ARFRP1: variants seen among roughly 807,000 people sequenced by gnomAD.
ARFRP1 encodes ARF related protein 1.
In ARFRP1, 19 loss-of-function variants were observed where a neutral mutation model predicts 30.3. The ratio of observed to expected loss-of-function variants is 0.63; its 90% CI spans 0.44 to 0.92. ARFRP1 has a LOEUF of 0.92. Ranked by LOEUF, ARFRP1 falls within the 40% of genes least tolerant of loss-of-function variation. ARFRP1 has a pLI of 0.00. For missense variants in ARFRP1, 245 were observed against 267.5 expected (o/e 0.92, Z 0.59); for synonymous variants, 133 against 114.2 (o/e 1.16, Z -1.05).
rs1253980139 is a variant in ARFRP1, at chr20:63,702,284, G to A, written c.265-67C>T. The A allele has an allele frequency of 3.4e-6, 5 of 1,460,980 alleles. No homozygotes were observed. In the East Asian group the frequency reaches 6.9e-5, roughly 20 times the overall value. 90.5% of individuals were successfully genotyped at this position (1,460,980 alleles called of 1,614,324 possible). A position where few individuals can be genotyped will look rare whatever the true frequency, so the allele number is the denominator to read the frequency against. ...GCCAAGGGCCAGCAGAGCCAGGCCTGTGTCATGGCCACAGTGAGGGGCTCA... is the reference window on the plus strand; with the variant it reads ...GCCAAGGGCCAGCAGAGCCAGGCCTATGTCATGGCCACAGTGAGGGGCTCA... On this transcript the variant is annotated intron_variant, in intron 4 of 7. Coordinates refer to ENST00000622789, the MANE Select transcript of ARFRP1 (RefSeq NM_001267547.3).
intron 6 of ARFRP1, chr20:63,701,065 A>C (rs1162173585): frequency 5.0e-6 from 2 of 399,072 alleles, no homozygotes; most frequent in East Asian, 1.3e-4. Flanking sequence ...GAGAGGTGGG[A>C]GCCCTGCATC....
intron 6 of ARFRP1, chr20:63,701,196 TC>T: frequency 1.9e-6 from 1 of 526,322 alleles, no homozygotes; most frequent in Non-Finnish European, 3.9e-6. Flanking sequence ...GTACCAGATG[TC>T]CCTCTTGTCG....
chr20:63,705,490 C>T, intron 4 of ARFRP1: 2 of 427,270 alleles, frequency 4.7e-6, no homozygotes, highest in South Asian at 1.8e-5. Context: ...AAACTGCAGC[C>T]TTGGGGGTGT....
At chr20:63,702,009 C>CCCG (rs2091236352) in intron 5 of ARFRP1, 109 bp from the exon 6 acceptor site, 2 of 919,742 alleles carry the variant, frequency 2.2e-6, no homozygotes, top group East Asian at 6.2e-5. Context: ...CCCCCCCCCC[C>CCCG]CCCGTCACCC....
intron 6 of ARFRP1, among the ~76,000 whole-genome samples, chr20:63,700,965 C>A (rs939349562): frequency 6.6e-6 from 1 of 152,172 alleles, no homozygotes; most frequent in Admixed American, 6.5e-5. Flanking sequence ...CTGGGGGACA[C>A]CCTGAGCCCC....
intron 4 of ARFRP1, chr20:63,705,287 A>C (rs951596037): frequency 6.2e-6 from 1 of 161,248 alleles, no homozygotes; most frequent in Non-Finnish European, 1.4e-5. Flanking sequence ...GGGGGCGCCT[A>C]GGAAAGGGGA....
chr20:63,705,817 C>T (rs758892085), intron 4 of ARFRP1: 1 of 518,390 alleles, frequency 1.9e-6, no homozygotes, highest in Non-Finnish European at 4.0e-6. Context: ...ACTGCCCTGA[C>T]CTCTCTGACT....
chr20:63,700,665 C>T lies in ARFRP1; in HGVS notation c.455G>A (p.Ser152Asn), dbSNP rs760520926. 6.2e-7 allele frequency: 1 copy of T among 1,610,900 alleles called. No homozygotes were observed. Among genetic ancestry groups the T allele is most frequent in the Non-Finnish European group, 8.5e-7 (1 of 1,179,874 alleles). The change falls in exon 7 of 8, where the codon AGC becomes AAC. Residue 152 changes from serine (S) to asparagine (N), a missense_variant. Physicochemically the swap from Ser to Asn is conservative, Grantham distance 46. Coordinates refer to ENST00000622789, the MANE Select transcript of ARFRP1 (RefSeq NM_001267547.3). Reference protein sequence around the residue: ...LSIPDIKTAFSDCTSKIGRRD... With the variant: ...LSIPDIKTAFNDCTSKIGRRD... The stretch of plus-strand genomic sequence containing the variant: ...CCTGCCGATCTTGCTGGTGCAGTCG[C>T]TGAAGGCCGTCTTGATGTCAGGGAT...
At position 63,698,984 on chromosome 20, in the gene ARFRP1, T is replaced by C. The variant is rs369819484; in HGVS notation, c.*1459A>G. ...GGGGCCCACACTAACCCCCCACTTA[T>C]GAATTCCTCCCACTCCCAACTCACA... On this transcript the variant is annotated 3_prime_UTR_variant, in exon 8 of 8. Transcript: ENST00000622789. The C allele has an allele frequency of 3.5e-4, 55 of 158,312 alleles. No individual in the cohort carries two copies. Among genetic ancestry groups the C allele is most frequent in the Non-Finnish European group, 6.1e-4 (44 of 72,398 alleles). 9.8% of individuals were successfully genotyped at this position (158,312 alleles called of 1,614,324 possible).
At chr20:63,702,689 ACAC>A in intron 4 of ARFRP1, 1 of 164,552 alleles carries the variant, frequency 6.1e-6, no homozygotes, top group South Asian at 1.6e-4. Context: ...AGCTCTGATC[ACAC>A]CACTGCACTC....
chr20:63,707,085 T>A lies in ARFRP1; in HGVS notation c.7A>T (p.Thr3Ser). MY[T>S]LLSGLYKYMF... ...TACTTGTACAAGCCCGACAGCAGCG[T>A]GTACATCCTGCCCTGGGCACCCCAA... Residue 3 changes from threonine (T) to serine (S), a missense_variant, in exon 2 of 8, where the codon ACG (threonine) becomes TCG (serine). Thr to Ser is a moderately conservative substitution (Grantham distance 58, BLOSUM62 1). Transcript: ENST00000622789. 6.2e-7 allele frequency: 1 copy of A among 1,611,002 alleles called. No individual in the cohort carries two copies. Among genetic ancestry groups the A allele is most frequent in the South Asian group, 1.1e-5 (1 of 90,522 alleles).
chr20:63,705,360 C>A, intron 4 of ARFRP1: 1 of 197,100 alleles, frequency 5.1e-6, no homozygotes, highest in South Asian at 8.2e-5. Context: ...TCAGGGCAGC[C>A]AAGGCACTGG....
Position 63,698,812 on chromosome 20 carries a change from T to C in ARFRP1, c.*1631A>G, listed in dbSNP as rs1006214570. ...GGCTTCCCCTACCTCAGACAGACCC[T>C]CCCTGGGAGGATCAGTGGGGAGTGC... On this transcript the variant is annotated 3_prime_UTR_variant, in exon 8 of 8. Transcript: ENST00000622789. The C allele has an allele frequency of 3.3e-5, 13 of 393,196 alleles. No individual in the cohort carries two copies. In the South Asian group the frequency reaches 7.3e-4, roughly 22 times the overall value. The allele number at this position is 393,196 out of a possible 1,614,324, so 24.4% of individuals were successfully genotyped here. A position where few individuals can be genotyped will look rare whatever the true frequency, so the allele number is the denominator to read the frequency against.
At chr20:63,706,781 T>A (rs773550780) in intron 2 of ARFRP1, 43 bp from the exon 3 acceptor site, 2 of 1,490,140 alleles carry the variant, frequency 1.3e-6, no homozygotes, top group Non-Finnish European at 1.9e-6. Flanking sequence ...GGAGGGGCTA[T>A]ACTGGCTTCC....
rs757194053 is a variant in ARFRP1 at position 63,700,433 on chromosome 20, G to A, written c.*10C>T. ...GGGGACCAGCCGTCCCGACGGCAGC[G>A]CGGCTGCGCCTACGTGATGTCCCTC... On this transcript the variant is annotated 3_prime_UTR_variant, in exon 8 of 8. Coordinates refer to ENST00000622789, the MANE Select transcript of ARFRP1 (RefSeq NM_001267547.3). 8.1e-6 allele frequency: 13 copies of A among 1,607,078 alleles called. No homozygotes were observed. The highest frequency in any genetic ancestry group is 2.2e-5 in the East Asian group (1 of 44,878).
Position 63,706,986 on chromosome 20 carries a change from C to T in ARFRP1, c.93+13G>A, listed in dbSNP as rs1248661320. The T allele has an allele frequency of 1.2e-6, 2 of 1,613,188 alleles. No homozygotes were observed. The highest frequency in any genetic ancestry group is 1.3e-5 in the African/African-American group (1 of 75,052). Reference sequence around the variant, plus strand: ...GCCGTGGGAAAGGTGCGCGCAAGGGCGTGGGCACTCACCGTCTTCCCAGCA... The same window carrying T: ...GCCGTGGGAAAGGTGCGCGCAAGGGTGTGGGCACTCACCGTCTTCCCAGCA... On this transcript the variant is annotated intron_variant, in intron 2 of 7. Transcript: ENST00000622789.
chr20:63,706,691 C>T lies in ARFRP1; in HGVS notation c.141G>A (p.Gly47=), dbSNP rs747917536. 1.2e-5 allele frequency: 20 copies of T among 1,614,050 alleles called. No individual in the cohort carries two copies. The highest frequency in any genetic ancestry group is 1.7e-5 in the Non-Finnish European group (20 of 1,179,938). The change falls in exon 3 of 8, where the codon GGG becomes GGA. Residue 47 remains glycine, a synonymous_variant. Transcript: ENST00000622789. ...TGGTGGTGATTTTGGATAGACTCAT[C>T]CCCTTGTAGTTCTTGTTAAATCGGG... The part of the protein sequence containing the change: ...SKTRFNKNYK[G]MSLSKITTTV...
intron 3 of ARFRP1, 103 bp downstream of exon 3, chr20:63,706,548 C>G (rs1199426578): frequency 3.2e-5 from 49 of 1,514,094 alleles, no homozygotes; most frequent in Non-Finnish European, 4.3e-5. Context: ...TCAAATGAGA[C>G]TTGAGAGGGG....
intron 1 of ARFRP1, 97 bp from the exon 2 acceptor site, chr20:63,707,194 C>T (rs559563921): frequency 1.1e-5 from 11 of 1,038,586 alleles, no homozygotes; most frequent in Admixed American, 4.3e-5. Context: ...TCCAGCCGAC[C>T]GCTCAGGACG....
Sources: gnomAD v4.1 joint callset for allele counts (sites outside exome capture counted in the v4.1 genomes callset) on GRCh38, gnomAD v4.1.1 for gene constraint, MANE v1.5 for transcripts, NCBI Gene and HGNC (gene_info 2026-07-23, HGNC 2026-07-21) for gene names.